Variants in MAPRE2 observed in about 807,000 individuals in gnomAD.
The protein encoded by MAPRE2 is microtubule-associated protein RP/EB family member 2.
In MAPRE2, 13 loss-of-function variants were observed where a neutral mutation model predicts 43.2. The observed-to-expected ratio is 0.30, with a 90% confidence interval of 0.20 to 0.48. MAPRE2 has a LOEUF of 0.48. Among genes scored for constraint, MAPRE2 ranks in the 20% least tolerant of loss-of-function variants. The probability of loss-of-function intolerance (pLI) is 0.99; values close to 1 mark genes in which losing one functional copy is unlikely to be tolerated. For synonymous variants in MAPRE2, 135 were observed against 148.8 expected, an observed-to-expected ratio of 0.91 and a Z score of 0.68; for missense variants, 161 against 400.2, an observed-to-expected ratio of 0.40 and a Z score of 5.10.
At chr18:35,094,541 G>T (rs1047084121) in intron 2 of MAPRE2, among the ~76,000 whole-genome samples, 4 of 152,146 alleles carry the variant, frequency 2.6e-5, no homozygotes, top group African/African-American at 9.7e-5. Flanking sequence ...CATTGGTGGG[G>T]AACGAATAGA....
upstream of MAPRE2, among the ~76,000 whole-genome samples, chr18:35,036,440 G>T (rs2097050634): frequency 6.6e-6 from 1 of 152,040 alleles, no homozygotes; most frequent in African/African-American, 2.4e-5. Flanking sequence ...GTGGTTCCAG[G>T]TCACCTTCAG....
At chr18:34,985,291 T>A (rs1163709180) in intron 1 of MAPRE2, among the ~76,000 whole-genome samples, 43 of 13,120 alleles carry the variant, frequency 3.3e-3, no homozygotes, top group African/African-American at 1.0e-2. Flanking sequence ...TATTATATAT[T>A]ATATTATATA....
At chr18:34,977,200 C>G (rs2150567141) in intron 1 of MAPRE2, 1 of 152,772 alleles carries the variant, frequency 6.5e-6, no homozygotes, top group Non-Finnish European at 1.5e-5. Context: ...GTCTGCAGCC[C>G]GCGGGGCTCG....
At chr18:35,101,776 T>A (rs183142652) in intron 3 of MAPRE2, among the ~76,000 whole-genome samples, 170 bp from the exon 4 acceptor site, 1 of 152,362 alleles carries the variant, frequency 6.6e-6, no homozygotes, top group Admixed American at 6.5e-5. Context: ...ATTTTCTTTA[T>A]CCATTCATCT....
At chr18:35,083,337 TC>T (rs1907730405) in intron 2 of MAPRE2, among the ~76,000 whole-genome samples, 1 of 152,238 alleles carries the variant, frequency 6.6e-6, no homozygotes, top group African/African-American at 2.4e-5. Context: ...TATGAAACTT[TC>T]TATTTTCATG....
intron 1 of MAPRE2, among the ~76,000 whole-genome samples, chr18:35,003,167 G>A (rs1196062614): frequency 1.3e-5 from 2 of 152,286 alleles, no homozygotes; most frequent in African/African-American, 4.8e-5. Context: ...AGCAAAGGCT[G>A]CATGGGAAGG....
chr18:35,084,467 C>T (rs1049408696), intron 2 of MAPRE2, among the ~76,000 whole-genome samples: 3 of 152,138 alleles, frequency 2.0e-5, no homozygotes, highest in Non-Finnish European at 4.4e-5. Context: ...AAAGACCAAT[C>T]ACATGATTTG....
chr18:35,117,411 G>A (rs1909464367), intron 4 of MAPRE2, among the ~76,000 whole-genome samples: 1 of 152,190 alleles, frequency 6.6e-6, no homozygotes, highest in African/African-American at 2.4e-5. Context: ...GCTAGTTATT[G>A]GTCAACAGGG....
intron 2 of MAPRE2, among the ~76,000 whole-genome samples, chr18:35,010,547 C>T (rs913067904): frequency 2.6e-5 from 4 of 152,158 alleles, no homozygotes; most frequent in African/African-American, 9.7e-5. Flanking sequence ...CCCTTCCCTC[C>T]TAGAGCTACA....
At chr18:35,112,420 C>T (rs1434520735) in intron 4 of MAPRE2, among the ~76,000 whole-genome samples, 1 of 152,158 alleles carries the variant, frequency 6.6e-6, no homozygotes, top group Non-Finnish European at 1.5e-5. Flanking sequence ...ATCCACATGC[C>T]TCAGCCTCCC....
intron 2 of MAPRE2, among the ~76,000 whole-genome samples, chr18:35,076,561 C>T (rs9959809): frequency 0.029 from 4,367 of 152,216 alleles, 200 homozygotes; most frequent in African/African-American, 0.1. Flanking sequence ...TTCATTTACC[C>T]TGACAGACTC....
intron 4 of MAPRE2, among the ~76,000 whole-genome samples, chr18:35,118,614 T>C (rs949858135): frequency 1.3e-5 from 2 of 152,138 alleles, no homozygotes; most frequent in African/African-American, 4.8e-5. Flanking sequence ...TTTCTGCAGC[T>C]CCCCTCAGCC....
chr18:35,104,196 A>G (rs1908802136), intron 4 of MAPRE2, among the ~76,000 whole-genome samples: 2 of 152,166 alleles, frequency 1.3e-5, no homozygotes, highest in African/African-American at 4.8e-5. Context: ...AAAATAGGCC[A>G]AAGTCTGACT....
chr18:35,045,976 G>T (rs981126037), intron 1 of MAPRE2, among the ~76,000 whole-genome samples: 12 of 152,290 alleles, frequency 7.9e-5, no homozygotes, highest in African/African-American at 2.9e-4. Flanking sequence ...GCTTTGGGGA[G>T]AGGCTCACTC....
intron 3 of MAPRE2, among the ~76,000 whole-genome samples, chr18:35,100,931 C>A (rs1426001676): frequency 6.6e-6 from 1 of 152,064 alleles, no homozygotes; most frequent in Non-Finnish European, 1.5e-5. Context: ...CCCAGCTACT[C>A]GGGAGGCTGA....
intron 2 of MAPRE2, among the ~76,000 whole-genome samples, chr18:35,090,750 A>T (rs1908107402): frequency 6.6e-6 from 1 of 151,870 alleles, no homozygotes; most frequent in African/African-American, 2.4e-5. Flanking sequence ...AAAAAAAGAA[A>T]AAGAAAAAGA....
chr18:35,113,396 A>G (rs1909268963), intron 4 of MAPRE2, among the ~76,000 whole-genome samples: 1 of 152,124 alleles, frequency 6.6e-6, no homozygotes, highest in African/African-American at 2.4e-5. Flanking sequence ...TTTTTGACAG[A>G]TGATTTACTA....
rs538438758 is a variant in MAPRE2, at chr18:34,991,042, AG to A, written c.-70+13969del. On this transcript the variant is annotated intron_variant, in intron 1 of 7. Coordinates refer to the MAPRE2 transcript ENST00000413393. Reference sequence around the variant, plus strand: ...GTTTTTCAACTTCTATTTTAGATTCAGGGGGGCACATGCAGATTTGTTACAA... The same window carrying A: ...GTTTTTCAACTTCTATTTTAGATTCAGGGGGCACATGCAGATTTGTTACAA... 2.6e-5 allele frequency among the ~76,000 whole-genome samples: 4 copies of A among 152,202 alleles called. No homozygotes were observed. In the East Asian group the frequency reaches 5.8e-4, roughly 22 times the overall value.
At chr18:35,028,501 A>G (rs1452660302) in intron 2 of MAPRE2, among the ~76,000 whole-genome samples, 1 of 152,188 alleles carries the variant, frequency 6.6e-6, no homozygotes, top group African/African-American at 2.4e-5. Flanking sequence ...TTTATAAGGA[A>G]GATAACATCC....
Sources: allele counts gnomAD v4.1 joint callset (sites outside exome capture counted in the v4.1 genomes callset), GRCh38; gene constraint gnomAD v4.1.1; transcripts MANE v1.5; gene names NCBI Gene and HGNC (gene_info 2026-07-23, HGNC 2026-07-21).